Variants in ACMSD observed in about 807,000 individuals in gnomAD.
ACMSD encodes aminocarboxymuconate semialdehyde decarboxylase.
ACMSD carries 37 observed loss-of-function variants against 45.9 expected under a neutral mutation model. That is an observed-to-expected ratio of 0.81 (90% CI 0.62 to 1.06). The LOEUF is 1.06. Among genes scored for constraint, ACMSD ranks in the 50% least tolerant of loss-of-function variants. The pLI is 0.00. For missense variants in ACMSD, 434 were observed against 420.9 expected (o/e 1.03, Z -0.27); for synonymous variants, 138 against 148.8 (o/e 0.93, Z 0.53).
At chr2:134,847,397 CAGATAGATAGAT>C (rs1213803670) in intron 2 of ACMSD, among the ~76,000 whole-genome samples, 81 of 81,480 alleles carry the variant, frequency 9.9e-4, no homozygotes, top group Non-Finnish European at 1.5e-3. Flanking sequence ...TTTGGGGATA[CAGATAGATAGAT>C]AGATAGATAG....
intron 6 of ACMSD, 122 bp downstream of exon 6, chr2:134,867,794 A>T: frequency 1.5e-6 from 1 of 681,626 alleles, no homozygotes; most frequent in Non-Finnish European, 2.5e-6. Flanking sequence ...GAGTAATAGC[A>T]GCTATCACTT....
Position 134,845,297 on chromosome 2 carries a change from T to G in ACMSD, c.102+20T>G. On this transcript the variant is annotated intron_variant, in intron 2 of 9. Coordinates refer to ENST00000356140, the MANE Select transcript of ACMSD (RefSeq NM_138326.3). Reference sequence around the variant, plus strand: ...AGCAAGGTGAGTTTCTTCCAAAGTATGAACATCAGTAGCACTCAGGGAGAG... The same window carrying G: ...AGCAAGGTGAGTTTCTTCCAAAGTAGGAACATCAGTAGCACTCAGGGAGAG... 1 of 1,614,054 alleles carries G rather than the reference T, an allele frequency of 6.2e-7. No homozygotes were observed.
chr2:134,856,914 T>TA (rs1687609002), intron 2 of ACMSD, among the ~76,000 whole-genome samples: 1 of 152,050 alleles, frequency 6.6e-6, no homozygotes, highest in African/African-American at 2.4e-5. Flanking sequence ...GGTTTTTTTT[T>TA]CTATTTCTGT....
chr2:134,897,365 A>C lies in ACMSD; in HGVS notation c.850-976A>C, dbSNP rs146769757. On this transcript the variant is annotated intron_variant, in intron 8 of 9. Transcript: ENST00000356140. ...CTTTATTTCTCTTTATAACTTCAAG[A>C]TCATTCTTCTTTACACTGTAACTTG... Among the ~76,000 whole-genome samples, 24 of 152,276 alleles carry C rather than the reference A, an allele frequency of 1.6e-4. 2 individuals carry two copies. The highest frequency in any genetic ancestry group is 5.8e-4 in the African/African-American group (24 of 41,562).
At chr2:134,867,512 A>G in intron 5 of ACMSD, 67 bp from the exon 6 acceptor site, 1 of 1,296,164 alleles carries the variant, frequency 7.7e-7, no homozygotes, top group Non-Finnish European at 1.1e-6. Context: ...GTTTCCCCAA[A>G]ACAGTACCTG....
At chr2:134,884,952 T>TC (rs112291051) in intron 8 of ACMSD, among the ~76,000 whole-genome samples, 2,861 of 151,782 alleles carry the variant, frequency 0.019, 92 homozygotes, top group African/African-American at 0.066. Flanking sequence ...TCCTAGCACT[T>TC]TGGGAGGTTG....
intron 6 of ACMSD, among the ~76,000 whole-genome samples, chr2:134,869,739 AGGCTAATTTTGGAATTTTAT>A (rs994971016): frequency 6.6e-6 from 1 of 151,876 alleles, no homozygotes; most frequent in African/African-American, 2.4e-5. Context: ...ACAAGAAAAC[AGGCTAATTTTGGAATTTTAT>A]TCTGGATGCA....
chr2:134,845,727 C>G (rs1164484837), intron 2 of ACMSD, among the ~76,000 whole-genome samples: 1 of 152,078 alleles, frequency 6.6e-6, no homozygotes, highest in East Asian at 1.9e-4. Context: ...GGGGAGAAGA[C>G]AGTGTTATTA....
chr2:134,882,865 T>A (rs1438238098), intron 8 of ACMSD, among the ~76,000 whole-genome samples: 1 of 152,226 alleles, frequency 6.6e-6, no homozygotes, highest in East Asian at 1.9e-4. Flanking sequence ...AAAAAGTTCA[T>A]GCATCCCAGC....
intron 8 of ACMSD, among the ~76,000 whole-genome samples, chr2:134,897,501 T>G (rs754839000): frequency 6.6e-6 from 1 of 152,176 alleles, no homozygotes; most frequent in Non-Finnish European, 1.5e-5. Flanking sequence ...TTGCAATTTA[T>G]TTCTTTGTAT....
At position 134,897,889 on chromosome 2, in the gene ACMSD, T is replaced by TG. The variant is rs1164309467; in HGVS notation, c.850-452_850-451insG. ...CTATTTTTTGTTTTTGTTTTTGTTTTTTTTTTTTTACTTTTTATCGAGTTA... is the reference window on the plus strand; with the variant it reads ...CTATTTTTTGTTTTTGTTTTTGTTTTGTTTTTTTTTACTTTTTATCGAGTTA... On this transcript the variant is annotated intron_variant, in intron 8 of 9. Transcript: ENST00000356140. Among the ~76,000 whole-genome samples the TG allele has an allele frequency of 1.4e-4, 21 of 150,702 alleles. No individual in the cohort carries two copies. The East Asian group carries it at 2.9e-3, about 21-fold the overall frequency.
At chr2:134,874,997 A>G (rs942294225) in intron 8 of ACMSD, among the ~76,000 whole-genome samples, 1 of 152,172 alleles carries the variant, frequency 6.6e-6, no homozygotes, top group African/African-American at 2.4e-5. Context: ...TGGCTGCCTT[A>G]GGGGATAACA....
chr2:134,863,300 CA>C, intron 4 of ACMSD, 94 bp from the exon 5 acceptor site: 1 of 1,244,040 alleles, frequency 8.0e-7, no homozygotes, highest in Non-Finnish European at 1.2e-6. Context: ...CTGAAAATGA[CA>C]AATATTATAG....
intron 8 of ACMSD, among the ~76,000 whole-genome samples, chr2:134,896,783 A>C (rs1292175314): frequency 6.6e-6 from 1 of 152,080 alleles, no homozygotes; most frequent in Admixed American, 6.6e-5. Flanking sequence ...CAGCACTTCC[A>C]CTCTTAGGTA....
At chr2:134,876,972 G>A (rs999094766) in intron 8 of ACMSD, among the ~76,000 whole-genome samples, 4 of 152,016 alleles carry the variant, frequency 2.6e-5, no homozygotes, top group African/African-American at 7.2e-5. Flanking sequence ...TGGGTTTCAC[G>A]ATGTTAGCCA....
At chr2:134,859,435 T>C in intron 3 of ACMSD, 78 bp downstream of exon 3, 3 of 1,389,020 alleles carry the variant, frequency 2.2e-6, no homozygotes, top group East Asian at 2.3e-5. Context: ...GACAACTTTA[T>C]GTGATGGTAA....
At chr2:134,847,945 G>A (rs1417916909) in intron 2 of ACMSD, among the ~76,000 whole-genome samples, 6 of 151,364 alleles carry the variant, frequency 4.0e-5, no homozygotes, top group South Asian at 2.1e-4. Flanking sequence ...TCTGCCTCCC[G>A]GGTTCAAGTG....
At chr2:134,871,578 T>C (rs1031326142) in intron 7 of ACMSD, among the ~76,000 whole-genome samples, 2 of 151,058 alleles carry the variant, frequency 1.3e-5, no homozygotes, top group East Asian at 2.0e-4. Context: ...CAGTCTACAA[T>C]AGTCCCCACT....
chr2:134,844,997 G>A (rs1178770356), intron 1 of ACMSD, among the ~76,000 whole-genome samples: 1 of 152,056 alleles, frequency 6.6e-6, no homozygotes, highest in Non-Finnish European at 1.5e-5. Flanking sequence ...CTGCATTAGG[G>A]GAAAAGATAA....
Sources: allele counts gnomAD v4.1 joint callset (sites outside exome capture counted in the v4.1 genomes callset), GRCh38; gene constraint gnomAD v4.1.1; transcripts MANE v1.5; gene names NCBI Gene and HGNC (gene_info 2026-07-23, HGNC 2026-07-21).